The following SUDS3 variants were observed in gnomAD, a reference collection of about 807,000 sequenced individuals.
SUDS3 encodes the protein sin3 histone deacetylase corepressor complex component SDS3.
A neutral mutation model predicts 53.5 loss-of-function variants in SUDS3; 23 were observed. That is an observed-to-expected ratio of 0.43 (90% CI 0.31 to 0.61). SUDS3 has a LOEUF of 0.61. SUDS3 is among the 20% of genes least tolerant of loss of function. The pLI is 0.10. For synonymous variants in SUDS3, 150 were observed against 148.5 expected, an observed-to-expected ratio of 1.01 and a Z score of -0.08; for missense variants, 291 against 405.9, an observed-to-expected ratio of 0.72 and a Z score of 2.43.
At chr12:118,396,832 C>T (rs1314961382) in intron 6 of SUDS3, among the ~76,000 whole-genome samples, 1 of 152,140 alleles carries the variant, frequency 6.6e-6, no homozygotes, top group Admixed American at 6.5e-5. Flanking sequence ...ATGACTCTAC[C>T]ACCTAGCATT....
chr12:118,402,876 T>G (rs558287494), intron 9 of SUDS3, among the ~76,000 whole-genome samples: 2 of 152,100 alleles, frequency 1.3e-5, no homozygotes, highest in Admixed American at 1.3e-4. Flanking sequence ...TTCTCCTGTC[T>G]CAGCTTCCCA....
chr12:118,388,055 C>T lies in SUDS3; in HGVS notation c.340+1870C>T, dbSNP rs151096202. 8.2e-4 allele frequency among the ~76,000 whole-genome samples: 125 copies of T among 152,338 alleles called. 2 individuals are homozygous for T. Among genetic ancestry groups the T allele is most frequent in the African/African-American group, 2.8e-3 (118 of 41,580 alleles). ...TGACTTGGTGCAAGGCATGATTTCTCGGAATGGCACAGGACTTCAGCTGTC... is the reference window on the plus strand; with the variant it reads ...TGACTTGGTGCAAGGCATGATTTCTTGGAATGGCACAGGACTTCAGCTGTC... On this transcript the variant is annotated intron_variant, in intron 4 of 11. Transcript: ENST00000543473.
chr12:118,383,944 G>C (rs760485143), intron 2 of SUDS3, 68 bp from the exon 3 acceptor site: 535 of 1,424,710 alleles, frequency 3.8e-4, no homozygotes, highest in Non-Finnish European at 4.7e-4. Context: ...TAATTTCTGT[G>C]AGTAGGTTAT....
intron 6 of SUDS3, among the ~76,000 whole-genome samples, chr12:118,392,472 G>A (rs970645944): frequency 6.6e-6 from 1 of 152,246 alleles, no homozygotes; most frequent in African/African-American, 2.4e-5. Context: ...CTCATAGAGA[G>A]AGTTGGCAAA....
intron 4 of SUDS3, among the ~76,000 whole-genome samples, chr12:118,389,624 A>G (rs1001658264): frequency 6.6e-6 from 1 of 150,982 alleles, no homozygotes; most frequent in Admixed American, 6.6e-5. Flanking sequence ...TGAGTCTCCT[A>G]CCTGCCTCAG....
chr12:118,382,659 GC>G lies in SUDS3; in HGVS notation c.213-1350del, dbSNP rs1376099002. ...TAGGATTACAAGAATAAGCCAATGT[GC>G]CCAGCCTTTTTTTTTTTTTTTTTAA... On this transcript the variant is annotated intron_variant, in intron 2 of 11. Transcript: ENST00000543473. Among the ~76,000 whole-genome samples, 3 of 144,526 alleles carry G rather than the reference GC, an allele frequency of 2.1e-5. No homozygotes were observed. The Admixed American group carries it at 2.1e-4, about 10-fold the overall frequency. 94.8% of individuals were successfully genotyped at this position (144,526 alleles called of 152,430 possible). A position where few individuals can be genotyped will look rare whatever the true frequency, so the allele number is the denominator to read the frequency against.
intron 10 of SUDS3, among the ~76,000 whole-genome samples, chr12:118,410,507 T>C (rs1402405594): frequency 1.3e-5 from 2 of 152,022 alleles, no homozygotes; most frequent in Admixed American, 1.3e-4. Flanking sequence ...AATATAAGCT[T>C]TAGATCCCAA....
chr12:118,407,352 T>C (rs1233381063), intron 10 of SUDS3, among the ~76,000 whole-genome samples: 1 of 152,204 alleles, frequency 6.6e-6, no homozygotes, highest in Non-Finnish European at 1.5e-5. Context: ...TCAGTTGGTT[T>C]GGAAGTTGGC....
At chr12:118,382,146 T>C (rs2046070079) in intron 2 of SUDS3, among the ~76,000 whole-genome samples, 1 of 152,078 alleles carries the variant, frequency 6.6e-6, no homozygotes, top group Non-Finnish European at 1.5e-5. Flanking sequence ...TTCGAGTGAT[T>C]GTCATGGCTA....
intron 4 of SUDS3, among the ~76,000 whole-genome samples, chr12:118,387,467 G>C (rs900388148): frequency 6.6e-6 from 1 of 152,156 alleles, no homozygotes; most frequent in Admixed American, 6.5e-5. Flanking sequence ...AAATGGATGT[G>C]AGTCATATTT....
intron 10 of SUDS3, chr12:118,404,090 AC>A (rs1467537882): frequency 2.0e-5 from 3 of 152,308 alleles, no homozygotes; most frequent in African/African-American, 7.2e-5. Flanking sequence ...GCTTGGGGGA[AC>A]TGTATCCTAA....
intron 7 of SUDS3, 139 bp from the exon 8 acceptor site, chr12:118,401,620 C>G (rs2046263297): frequency 2.8e-6 from 2 of 722,586 alleles, no homozygotes; most frequent in Admixed American, 5.2e-5. Flanking sequence ...TCATAAATTT[C>G]TAAGAAGCAA....
chr12:118,406,825 T>C (rs1005833215), intron 10 of SUDS3, among the ~76,000 whole-genome samples: 1 of 141,890 alleles, frequency 7.0e-6, no homozygotes, highest in Non-Finnish European at 1.5e-5. Context: ...AATTAAAAAG[T>C]AAATTCTTAT....
At chr12:118,402,102 T>G (rs562532435) in intron 9 of SUDS3, 98 bp downstream of exon 9, 38 of 1,403,288 alleles carry the variant, frequency 2.7e-5, no homozygotes, top group Non-Finnish European at 3.6e-5. Flanking sequence ...TTTTCAAAAA[T>G]GAAATGTTCA....
chr12:118,392,605 ATTTAAT>A (rs2046177337), intron 6 of SUDS3, among the ~76,000 whole-genome samples: 2 of 152,182 alleles, frequency 1.3e-5, no homozygotes, highest in Admixed American at 6.5e-5. Flanking sequence ...GAAAGTGCTT[ATTTAAT>A]GAGACCAGTA....
At chr12:118,390,073 G>A in intron 5 of SUDS3, 127 bp downstream of exon 5, 3 of 1,161,914 alleles carry the variant, frequency 2.6e-6, no homozygotes, top group Non-Finnish European at 3.8e-6. Flanking sequence ...TGTTCTGTTT[G>A]ACTTAAGGAC....
intron 6 of SUDS3, among the ~76,000 whole-genome samples, chr12:118,395,557 C>T (rs1295284125): frequency 1.3e-5 from 2 of 151,820 alleles, no homozygotes; most frequent in Non-Finnish European, 2.9e-5. Context: ...CTTGAGGGTG[C>T]AGAGAGGAAG....
chr12:118,411,376 C>G (rs1759132427), intron 11 of SUDS3, among the ~76,000 whole-genome samples: 1 of 152,198 alleles, frequency 6.6e-6, no homozygotes, highest in South Asian at 2.1e-4. Context: ...TTTGTCTATT[C>G]CATGGGGTAT....
chr12:118,387,879 C>T (rs1453406762), intron 4 of SUDS3, among the ~76,000 whole-genome samples: 1 of 152,180 alleles, frequency 6.6e-6, no homozygotes, highest in Non-Finnish European at 1.5e-5. Context: ...TCACATTTCT[C>T]TCTCCTAGGT....
Sources: allele counts gnomAD v4.1 joint callset (sites outside exome capture counted in the v4.1 genomes callset), GRCh38; gene constraint gnomAD v4.1.1; transcripts MANE v1.5; gene names NCBI Gene and HGNC (gene_info 2026-07-23, HGNC 2026-07-21).